The following CEP128 variants were observed in gnomAD, a reference collection of about 807,000 sequenced individuals.
CEP128 encodes the protein centrosomal protein 128kDa.
A neutral mutation model predicts 156.7 loss-of-function variants in CEP128; 132 were observed. That is an observed-to-expected ratio of 0.84 (90% CI 0.73 to 0.97). The LOEUF is 0.97. CEP128 is among the 50% of genes least tolerant of loss of function. CEP128 has a pLI of 0.00. For missense variants in CEP128, 1,252 were observed against 1,281.9 expected (o/e 0.98, Z 0.36); for synonymous variants, 469 against 448.9 (o/e 1.04, Z -0.57).
intron 23 of CEP128, chr14:80,514,588 C>A: frequency 3.7e-6 from 1 of 267,354 alleles, no homozygotes; most frequent in Non-Finnish European, 7.8e-6. Context: ...ATTTCAATCT[C>A]TTTGTTAAGT....
At chr14:80,822,656 C>T in intron 13 of CEP128, 1 of 753,092 alleles carries the variant, frequency 1.3e-6, no homozygotes, top group Admixed American at 1.7e-5. Context: ...TAAAAAGGCC[C>T]CTGCAAAGAA....
chr14:80,918,945 T>C (rs1884706494), intron 2 of CEP128, among the ~76,000 whole-genome samples: 1 of 152,128 alleles, frequency 6.6e-6, no homozygotes, highest in Admixed American at 6.6e-5. Flanking sequence ...TAAGAGAAAA[T>C]AATAATTATG....
chr14:80,526,322 A>T (rs1888972913), intron 23 of CEP128, among the ~76,000 whole-genome samples: 1 of 152,224 alleles, frequency 6.6e-6, no homozygotes, highest in Admixed American at 6.5e-5. Flanking sequence ...CCCAGATCCC[A>T]GATGGATACT....
chr14:80,906,131 C>A, intron 4 of CEP128, 50 bp from the exon 5 acceptor site: 2 of 1,359,864 alleles, frequency 1.5e-6, no homozygotes, highest in South Asian at 3.3e-5. Flanking sequence ...TAAACAACTT[C>A]CAAATACAAA....
chr14:80,564,282 A>ACGG (rs1890818901), intron 20 of CEP128, among the ~76,000 whole-genome samples: 1 of 152,216 alleles, frequency 6.6e-6, no homozygotes, highest in Non-Finnish European at 1.5e-5. Context: ...TTGGATTACA[A>ACGG]TGGAGCAGTG....
chr14:80,640,282 T>C (rs2140783387), intron 19 of CEP128, among the ~76,000 whole-genome samples: 1 of 152,284 alleles, frequency 6.6e-6, no homozygotes. Flanking sequence ...TAATCCATCA[T>C]CATTATTGCT....
At chr14:80,592,099 G>C (rs1261525107) in intron 19 of CEP128, among the ~76,000 whole-genome samples, 1 of 152,116 alleles carries the variant, frequency 6.6e-6, no homozygotes, top group African/African-American at 2.4e-5. Flanking sequence ...AAAAGAACTA[G>C]AGAAGCTGGA....
intron 8 of CEP128, among the ~76,000 whole-genome samples, chr14:80,864,605 G>A (rs1368282616): frequency 1.3e-5 from 2 of 150,916 alleles, no homozygotes; most frequent in Non-Finnish European, 2.9e-5. Context: ...CACCCAGGCT[G>A]GAGTGCAGTG....
chr14:80,796,801 C>G (rs1159001244), intron 13 of CEP128, among the ~76,000 whole-genome samples: 2 of 152,128 alleles, frequency 1.3e-5, no homozygotes, highest in Non-Finnish European at 2.9e-5. Flanking sequence ...TTTCAAATAT[C>G]TAATGGCTTC....
intron 8 of CEP128, among the ~76,000 whole-genome samples, chr14:80,882,941 A>C (rs1888619926): frequency 6.6e-6 from 1 of 152,188 alleles, no homozygotes; most frequent in South Asian, 2.1e-4. Flanking sequence ...GGGAAGTTTA[A>C]TGGGTATAAA....
At chr14:80,612,048 A>C (rs1893013459) in intron 19 of CEP128, among the ~76,000 whole-genome samples, 1 of 152,002 alleles carries the variant, frequency 6.6e-6, no homozygotes. Flanking sequence ...GCAGAGCGAG[A>C]CTCTGTCTCA....
chr14:80,492,099 G>T (rs1240991132), downstream of CEP128, among the ~76,000 whole-genome samples: 1 of 152,090 alleles, frequency 6.6e-6, no homozygotes, highest in Non-Finnish European at 1.5e-5. Flanking sequence ...AGAAAAGGGG[G>T]AAAAAAGCTT....
At chr14:80,892,618 CAAATTGAG>C (rs1316295738) in intron 8 of CEP128, among the ~76,000 whole-genome samples, 2 of 151,896 alleles carry the variant, frequency 1.3e-5, no homozygotes, top group African/African-American at 4.8e-5. Flanking sequence ...TAGCAGCCTA[CAAATTGAG>C]AAAAATATTG....
At chr14:80,955,532 C>A in intron 2 of CEP128, 1 of 941,778 alleles carries the variant, frequency 1.1e-6, no homozygotes, top group Non-Finnish European at 1.7e-6. Context: ...CAGCCTCCTC[C>A]ACAGTGGTGA....
rs191514218 is a variant in CEP128 at position 80,747,944 on chromosome 14, G to A, written c.2614-4677C>T. Reference sequence around the variant, plus strand: ...TGAAAGTGTTCTCAAATTAAATGTGGTGATGACTGCACAATTCTGTAAATA... The same window carrying A: ...TGAAAGTGTTCTCAAATTAAATGTGATGATGACTGCACAATTCTGTAAATA... On this transcript the variant is annotated intron_variant, in intron 18 of 24. Transcript: ENST00000555265. 3.6e-4 allele frequency among the ~76,000 whole-genome samples: 55 copies of A among 152,284 alleles called. 1 individual carries two copies. The highest frequency in any genetic ancestry group is 2.8e-4 in the Non-Finnish European group (19 of 68,020).
At chr14:80,909,762 T>A (rs1884100148) in intron 4 of CEP128, among the ~76,000 whole-genome samples, 5 of 152,122 alleles carry the variant, frequency 3.3e-5, no homozygotes, top group Admixed American at 2.6e-4. Flanking sequence ...CAAAATTTAG[T>A]GATGTATGGA....
intron 19 of CEP128, among the ~76,000 whole-genome samples, chr14:80,655,288 T>C (rs1219212229): frequency 6.6e-6 from 1 of 152,200 alleles, no homozygotes; most frequent in Non-Finnish European, 1.5e-5. Flanking sequence ...AATCTCTTCA[T>C]GTTGCTGCCA....
chr14:80,701,810 C>A (rs1175761716), intron 19 of CEP128, among the ~76,000 whole-genome samples: 1 of 152,206 alleles, frequency 6.6e-6, no homozygotes, highest in East Asian at 1.9e-4. Context: ...CTACACTCCT[C>A]TTGGCTCACC....
chr14:80,870,709 C>G (rs1887982384), intron 8 of CEP128, among the ~76,000 whole-genome samples: 1 of 151,760 alleles, frequency 6.6e-6, no homozygotes, highest in African/African-American at 2.4e-5. Context: ...CCAGTATGAA[C>G]ACTTCCATTC....
Sources: gnomAD v4.1 joint callset for allele counts (sites outside exome capture counted in the v4.1 genomes callset) on GRCh38, gnomAD v4.1.1 for gene constraint, MANE v1.5 for transcripts, NCBI Gene and HGNC (gene_info 2026-07-23, HGNC 2026-07-21) for gene names.